The following HUNK variants were observed in gnomAD, a reference collection of about 807,000 sequenced individuals.
HUNK encodes hormonally up-regulated Neu-associated kinase.
Under a neutral mutation model 61.0 loss-of-function variants are expected in HUNK, and 21 were observed. That is an observed-to-expected ratio of 0.34 (90% confidence interval 0.24 to 0.50). HUNK has a LOEUF of 0.50. HUNK is among the 20% of genes least tolerant of loss of function. HUNK has a pLI of 0.98. For missense variants in HUNK, 772 were observed against 945.7 expected (o/e 0.82, Z 2.41); for synonymous variants, 371 against 386.1 (o/e 0.96, Z 0.46).
At chr21:31,957,237 G>A (rs1420631131) in intron 4 of HUNK, among the ~76,000 whole-genome samples, 3 of 152,166 alleles carry the variant, frequency 2.0e-5, no homozygotes, top group East Asian at 1.9e-4. Flanking sequence ...AACCCAAGAG[G>A]GCAGGTCTTT....
At chr21:31,900,254 C>T (rs755947308) in intron 1 of HUNK, among the ~76,000 whole-genome samples, 4 of 152,126 alleles carry the variant, frequency 2.6e-5, no homozygotes, top group Non-Finnish European at 5.9e-5. Flanking sequence ...TCCAGCCCCA[C>T]TGAAATGCCA....
At chr21:31,989,303 G>C (rs76415665) in intron 8 of HUNK, among the ~76,000 whole-genome samples, 6,737 of 152,290 alleles carry the variant, frequency 0.044, 214 homozygotes, top group South Asian at 0.094. Flanking sequence ...ACACAGGGAT[G>C]AAACATTTAA....
intron 7 of HUNK, among the ~76,000 whole-genome samples, chr21:31,976,263 T>G (rs1475716097): frequency 1.3e-5 from 2 of 152,112 alleles, no homozygotes; most frequent in African/African-American, 4.8e-5. Flanking sequence ...GGAGAAGAGA[T>G]GTCAAATCCA....
intron 1 of HUNK, among the ~76,000 whole-genome samples, chr21:31,904,395 AAT>A (rs2052490559): frequency 6.6e-6 from 1 of 152,220 alleles, no homozygotes; most frequent in Admixed American, 6.5e-5. Context: ...GACTAATGCA[AAT>A]AAAAAGATGG....
chr21:31,920,251 G>A (rs2052614132), intron 1 of HUNK, among the ~76,000 whole-genome samples: 1 of 152,158 alleles, frequency 6.6e-6, no homozygotes, highest in Admixed American at 6.5e-5. Context: ...GGTAATCTAG[G>A]CTAATCTCAT....
intron 6 of HUNK, among the ~76,000 whole-genome samples, chr21:31,970,335 A>G (rs1346718516): frequency 6.6e-6 from 1 of 152,054 alleles, no homozygotes; most frequent in Non-Finnish European, 1.5e-5. Context: ...AGGTGGTTTC[A>G]CTCCGTTGCC....
chr21:31,977,859 C>T (rs552086810), intron 7 of HUNK, among the ~76,000 whole-genome samples: 1 of 152,100 alleles, frequency 6.6e-6, no homozygotes, highest in African/African-American at 2.4e-5. Flanking sequence ...CCTGGGAAGT[C>T]GAGGCTAATT....
At chr21:31,884,834 AG>A (rs1237453202) in intron 1 of HUNK, among the ~76,000 whole-genome samples, 1 of 151,462 alleles carries the variant, frequency 6.6e-6, no homozygotes, top group African/African-American at 2.4e-5. Flanking sequence ...GCTGGGGTGC[AG>A]TGGCACCCTC....
At chr21:31,978,639 A>G (rs529030286) in intron 7 of HUNK, among the ~76,000 whole-genome samples, 3 of 152,236 alleles carry the variant, frequency 2.0e-5, no homozygotes, top group Admixed American at 2.0e-4. Flanking sequence ...GTTCATCCAT[A>G]TTGTCAAAAA....
At position 31,979,104 on chromosome 21, in the gene HUNK, A is replaced by C. The variant is rs1007087217; in HGVS notation, c.1173+4387A>C. 7.2e-5 allele frequency among the ~76,000 whole-genome samples: 6 copies of C among 82,814 alleles called. No individual in the cohort carries two copies. In the South Asian group the frequency reaches 1.8e-3, roughly 25 times the overall value. 54.3% of individuals were successfully genotyped at this position (82,814 alleles called of 152,430 possible). ...GTGATGTTGAGCATACCTATTGGCC[A>C]TTTCTTTTTTTTTTTTTGAGAGGGA... On this transcript the variant is annotated intron_variant, in intron 7 of 10. Transcript: ENST00000270112.
chr21:31,950,536 C>A (rs868307075), intron 4 of HUNK, among the ~76,000 whole-genome samples: 1 of 152,274 alleles, frequency 6.6e-6, no homozygotes, highest in Middle Eastern at 3.4e-3. Flanking sequence ...CATCTGATTT[C>A]TCTTCCTCTT....
chr21:31,984,911 A>G (rs2053122631), intron 8 of HUNK, among the ~76,000 whole-genome samples: 1 of 152,140 alleles, frequency 6.6e-6, no homozygotes. Context: ...GGTTTGATGG[A>G]CTCACAGTTT....
chr21:31,997,384 T>A (rs2053213183), intron 10 of HUNK, among the ~76,000 whole-genome samples: 1 of 152,166 alleles, frequency 6.6e-6, no homozygotes, highest in South Asian at 2.1e-4. Context: ...TCCATCCAGA[T>A]CAAAAGTCAC....
chr21:31,914,740 GAGAC>G (rs2052570370), intron 1 of HUNK, among the ~76,000 whole-genome samples: 1 of 152,174 alleles, frequency 6.6e-6, no homozygotes, highest in African/African-American at 2.4e-5. Context: ...TGCAGGCTCA[GAGAC>G]AGAGAGAGTT....
intron 1 of HUNK, among the ~76,000 whole-genome samples, chr21:31,881,227 T>G (rs773546602): frequency 6.6e-6 from 1 of 152,170 alleles, no homozygotes; most frequent in African/African-American, 2.4e-5. Context: ...GTCCATACCA[T>G]ATGGACCGTA....
chr21:31,912,512 TG>T (rs2052553702), intron 1 of HUNK, among the ~76,000 whole-genome samples: 1 of 152,086 alleles, frequency 6.6e-6, no homozygotes, highest in Non-Finnish European at 1.5e-5. Flanking sequence ...GTAATTAGGC[TG>T]GTTGGGGAAG....
At chr21:31,984,571 C>G (rs1265632446) in intron 8 of HUNK, among the ~76,000 whole-genome samples, 1 of 152,292 alleles carries the variant, frequency 6.6e-6, no homozygotes, top group East Asian at 1.9e-4. Context: ...AAGAACACAA[C>G]TCTGATTTCA....
rs1248504090 is a variant in HUNK at position 31,924,081 on chromosome 21, G to A, written c.262-387G>A. Among the ~76,000 whole-genome samples the A allele has an allele frequency of 1.3e-5, 2 of 152,182 alleles. No individual in the cohort carries two copies. Among genetic ancestry groups the A allele is most frequent in the Non-Finnish European group, 2.9e-5 (2 of 68,032 alleles). On this transcript the variant is annotated intron_variant, in intron 1 of 10. Transcript: ENST00000270112. The surrounding 1 kb of genome is among the most constrained non-coding windows in gnomAD (Gnocchi z 5.1). The stretch of plus-strand genomic sequence containing the variant: ...GGAGGGAGATGATGGTGAGTCCTGA[G>A]GGGGACTGGGACAAGCCCTTTGCTG...
intron 7 of HUNK, among the ~76,000 whole-genome samples, chr21:31,976,574 C>T (rs913619273): frequency 3.6e-5 from 5 of 138,080 alleles, no homozygotes; most frequent in South Asian, 2.4e-4. Context: ...TCAAGTGATT[C>T]TCCTGCCTCA....
Sources: allele counts gnomAD v4.1 joint callset (sites outside exome capture counted in the v4.1 genomes callset), GRCh38; gene constraint gnomAD v4.1.1; non-coding constraint Gnocchi (gnomAD v3.1); transcripts MANE v1.5; gene names NCBI Gene and HGNC (gene_info 2026-07-23, HGNC 2026-07-21).